Variants in ATP8A1 observed in about 807,000 individuals in gnomAD.
ATP8A1 encodes the protein ATPase phospholipid transporting 8A1.
In ATP8A1, 90 loss-of-function variants were observed where a neutral mutation model predicts 177.7. The ratio of observed to expected loss-of-function variants is 0.51; its 90% CI spans 0.43 to 0.60. The LOEUF (loss-of-function observed/expected upper bound fraction) is 0.60, where lower values mean the gene tolerates loss of function less well. Among genes scored for constraint, ATP8A1 ranks in the 20% least tolerant of loss-of-function variants. The pLI is 0.00. For missense variants in ATP8A1, 1,072 were observed against 1,392.8 expected, an observed-to-expected ratio of 0.77 and a Z score of 3.67; for synonymous variants, 493 against 485.9, an observed-to-expected ratio of 1.01 and a Z score of -0.19.
intron 35 of ATP8A1, among the ~76,000 whole-genome samples, chr4:42,420,480 C>G (rs1480684915): frequency 6.6e-6 from 1 of 152,180 alleles, no homozygotes; most frequent in African/African-American, 2.4e-5. Context: ...CACTTCTTTC[C>G]TTTTTGGGCT....
At chr4:42,653,297 T>TAGCA (rs71200296) in intron 1 of ATP8A1, among the ~76,000 whole-genome samples, 1 of 150,588 alleles carries the variant, frequency 6.6e-6, no homozygotes. Flanking sequence ...ATTTTCCCCA[T>TAGCA]TTGCCACACA....
intron 30 of ATP8A1, among the ~76,000 whole-genome samples, chr4:42,448,392 C>CTTACTTTACTT (rs1560335169): frequency 2.2e-3 from 44 of 19,928 alleles, no homozygotes; most frequent in African/African-American, 3.0e-3. Context: ...CCCTCCTTCT[C>CTTACTTTACTT]TTTCTTTTCT....
At chr4:42,496,762 A>G (rs868337672) in intron 24 of ATP8A1, among the ~76,000 whole-genome samples, 7 of 151,640 alleles carry the variant, frequency 4.6e-5, no homozygotes, top group Admixed American at 6.6e-5. Context: ...ACACACATAT[A>G]TATACGCACA....
At chr4:42,421,949 G>A (rs1468293128) in intron 35 of ATP8A1, among the ~76,000 whole-genome samples, 8 of 151,226 alleles carry the variant, frequency 5.3e-5, no homozygotes, top group Non-Finnish European at 8.8e-5. Flanking sequence ...TTTTTTGGAG[G>A]GGGTGGTGTA....
intron 6 of ATP8A1, among the ~76,000 whole-genome samples, chr4:42,595,844 A>G (rs558459205): frequency 6.6e-6 from 1 of 152,328 alleles, no homozygotes; most frequent in South Asian, 2.1e-4. Context: ...GCTTTCCAAC[A>G]TCTTTACTCA....
At position 42,586,391 on chromosome 4, in the gene ATP8A1, T is replaced by A. The variant is rs1409409759; in HGVS notation, c.680A>T (p.His227Leu). ...TATGTTTCCAACAAAATCGTAGAGATGTCTGTTTGGACTTTCACACTCAAT... is the reference window on the plus strand; with the variant it reads ...TATGTTTCCAACAAAATCGTAGAGAAGTCTGTTTGGACTTTCACACTCAAT... ...GRIECESPNR[H>L]LYDFVGNIRL... The change falls in exon 9 of 37, where the codon CAT becomes CTT. Residue 227 changes from histidine to leucine, a missense_variant. Transcript: ENST00000381668. 1.6e-5 allele frequency: 26 copies of A among 1,614,040 alleles called. No homozygotes were observed. Among genetic ancestry groups the A allele is most frequent in the Non-Finnish European group, 2.2e-5 (26 of 1,179,986 alleles).
intron 9 of ATP8A1, among the ~76,000 whole-genome samples, chr4:42,586,130 T>C (rs1178025243): frequency 1.3e-5 from 2 of 152,166 alleles, no homozygotes; most frequent in African/African-American, 2.4e-5. Context: ...TCCAGCCAGA[T>C]TGGCAGGAAC....
At chr4:42,632,086 G>A in intron 1 of ATP8A1, among the ~76,000 whole-genome samples, 1 of 152,134 alleles carries the variant, frequency 6.6e-6, no homozygotes, top group Non-Finnish European at 1.5e-5. Flanking sequence ...AGAGCAAATT[G>A]GCAGGCAAAT....
intron 15 of ATP8A1, among the ~76,000 whole-genome samples, chr4:42,567,730 A>C (rs1731498300): frequency 6.6e-6 from 1 of 152,222 alleles, no homozygotes; most frequent in Non-Finnish European, 1.5e-5. Context: ...TTTTACAAAA[A>C]GAACTTACTA....
chr4:42,594,022 TC>T (rs1191867588), intron 6 of ATP8A1, among the ~76,000 whole-genome samples: 6 of 152,052 alleles, frequency 3.9e-5, no homozygotes, highest in Non-Finnish European at 8.8e-5. Flanking sequence ...AGAGTTATGA[TC>T]CCCACAAAAG....
chr4:42,600,258 AAAC>A (rs1222768211), intron 6 of ATP8A1, among the ~76,000 whole-genome samples: 1 of 152,214 alleles, frequency 6.6e-6, no homozygotes, highest in Non-Finnish European at 1.5e-5. Context: ...ACTATGAAAA[AAAC>A]AAAAAGTTCT....
chr4:42,569,382 T>C (rs1731686324), intron 14 of ATP8A1, among the ~76,000 whole-genome samples, 177 bp from the exon 15 acceptor site: 1 of 152,188 alleles, frequency 6.6e-6, no homozygotes, highest in Admixed American at 6.5e-5. Flanking sequence ...ACATAATGAT[T>C]CATGGTAGCT....
intron 33 of ATP8A1, among the ~76,000 whole-genome samples, chr4:42,425,774 G>T (rs960242182): frequency 6.6e-6 from 1 of 152,166 alleles, no homozygotes; most frequent in Non-Finnish European, 1.5e-5. Context: ...GGTTCCCTCC[G>T]AGAGCGGTTT....
At chr4:42,530,648 T>A (rs187662060) in intron 20 of ATP8A1, among the ~76,000 whole-genome samples, 296 of 152,364 alleles carry the variant, frequency 1.9e-3, no homozygotes, top group Non-Finnish European at 3.3e-3. Context: ...CATGTTCCCA[T>A]CATCCTGAAG....
chr4:42,488,821 T>C (rs963509890), intron 24 of ATP8A1, among the ~76,000 whole-genome samples: 3 of 152,162 alleles, frequency 2.0e-5, no homozygotes, highest in African/African-American at 7.2e-5. Flanking sequence ...CTACCAAGTG[T>C]AACTCATTCT....
chr4:42,537,771 C>G (rs2153204109), intron 20 of ATP8A1, among the ~76,000 whole-genome samples: 1 of 152,262 alleles, frequency 6.6e-6, no homozygotes, highest in Middle Eastern at 3.4e-3. Context: ...ACGACACAAA[C>G]AAAGGCAAAC....
At chr4:42,474,529 G>A (rs986264202) in intron 25 of ATP8A1, among the ~76,000 whole-genome samples, 17 of 152,168 alleles carry the variant, frequency 1.1e-4, no homozygotes, top group African/African-American at 3.1e-4. Flanking sequence ...GAATTCCTAC[G>A]CATGCCTTGG....
At chr4:42,571,334 T>C (rs530403517) in intron 14 of ATP8A1, among the ~76,000 whole-genome samples, 2 of 152,286 alleles carry the variant, frequency 1.3e-5, no homozygotes, top group South Asian at 4.1e-4. Context: ...AAAGGGAAAA[T>C]GCAAATGATG....
At position 42,569,156 on chromosome 4, in the gene ATP8A1, C is replaced by T; in HGVS notation, c.1340+5G>A. The T allele has an allele frequency of 6.2e-7, 1 of 1,601,394 alleles. No individual in the cohort carries two copies. Among genetic ancestry groups the T allele is most frequent in the East Asian group, 2.3e-5 (1 of 43,938 alleles). On this transcript the variant is annotated splice_donor_5th_base_variant and intron_variant, in intron 15 of 36. Transcript: ENST00000381668. ...CAATGAGGCAGAAAGTTCCATAGAG[C>T]TTACCATTCATCAGGAGAGCAGCCA...
Sources: allele counts gnomAD v4.1 joint callset (sites outside exome capture counted in the v4.1 genomes callset), GRCh38; gene constraint gnomAD v4.1.1; transcripts MANE v1.5; gene names NCBI Gene and HGNC (gene_info 2026-07-23, HGNC 2026-07-21).